Variants in TLE1 observed in about 807,000 individuals in gnomAD.
TLE1 encodes the protein transducin-like enhancer protein 1.
Under a neutral mutation model 89.8 loss-of-function variants are expected in TLE1, and 21 were observed. The observed-to-expected ratio is 0.23, with a 90% CI of 0.17 to 0.34. The LOEUF (loss-of-function observed/expected upper bound fraction) is 0.34. TLE1 is among the 10% of genes least tolerant of loss of function. The pLI, the probability that TLE1 is intolerant of heterozygous loss-of-function variation, is 1.00. For synonymous variants in TLE1, 447 were observed against 407.6 expected (o/e 1.10, Z -1.16); for missense variants, 795 against 1,031.2 (o/e 0.77, Z 3.14).
At chr9:81,678,914 G>A (rs1173130244) in intron 4 of TLE1, among the ~76,000 whole-genome samples, 3 of 152,158 alleles carry the variant, frequency 2.0e-5, no homozygotes, top group Admixed American at 6.5e-5. Context: ...GCTGAGGAAG[G>A]TGGATCACCT....
intron 6 of TLE1, among the ~76,000 whole-genome samples, chr9:81,644,918 C>T (rs375045955): frequency 2.7e-5 from 4 of 146,874 alleles, no homozygotes; most frequent in African/African-American, 2.5e-5. Context: ...CGTTTGAACC[C>T]GGGAAGCGGA....
intron 4 of TLE1, among the ~76,000 whole-genome samples, chr9:81,658,651 C>T (rs1830421091): frequency 6.6e-6 from 1 of 152,192 alleles, no homozygotes; most frequent in Non-Finnish European, 1.5e-5. Flanking sequence ...CCTTCACCTG[C>T]ACAACCTACC....
At chr9:81,596,108 T>A in intron 14 of TLE1, among the ~76,000 whole-genome samples, 1 of 152,140 alleles carries the variant, frequency 6.6e-6, no homozygotes. Flanking sequence ...TGTTCCAGAT[T>A]AAATAGATGC....
At chr9:81,669,435 A>G (rs1293418736) in intron 4 of TLE1, among the ~76,000 whole-genome samples, 2 of 152,218 alleles carry the variant, frequency 1.3e-5, no homozygotes, top group Admixed American at 1.3e-4. Flanking sequence ...GCCACAGACT[A>G]ATGCTTATTC....
At chr9:81,645,052 C>G (rs1257433365) in intron 6 of TLE1, among the ~76,000 whole-genome samples, 2 of 141,086 alleles carry the variant, frequency 1.4e-5, no homozygotes, top group East Asian at 4.4e-4. Context: ...TATATCATAT[C>G]TCAATTTTAA....
intron 7 of TLE1, 74 bp from the exon 8 acceptor site, chr9:81,633,438 A>G (rs541494116): frequency 2.0e-5 from 32 of 1,609,916 alleles, no homozygotes; most frequent in African/African-American, 6.7e-5. Flanking sequence ...AATAAAAAAA[A>G]GGGGGGAATA....
intron 4 of TLE1, among the ~76,000 whole-genome samples, chr9:81,664,624 G>A (rs1831226023): frequency 6.6e-6 from 1 of 151,856 alleles, no homozygotes; most frequent in African/African-American, 2.4e-5. Context: ...CACTTTTGCG[G>A]GGCTGAGGCA....
intron 14 of TLE1, among the ~76,000 whole-genome samples, chr9:81,602,923 GAGA>G (rs1244681568): frequency 6.6e-6 from 1 of 152,146 alleles, no homozygotes; most frequent in African/African-American, 2.4e-5. Context: ...CTTTAACAAA[GAGA>G]AGAAGTTTGG....
intron 4 of TLE1, among the ~76,000 whole-genome samples, chr9:81,680,475 A>T (rs535047363): frequency 1.3e-5 from 2 of 152,288 alleles, no homozygotes; most frequent in African/African-American, 4.8e-5. Flanking sequence ...ATTCCGTTTG[A>T]ATTTTCAAAA....
At chr9:81,637,526 G>A (rs1003868972) in intron 6 of TLE1, among the ~76,000 whole-genome samples, 1 of 152,070 alleles carries the variant, frequency 6.6e-6, no homozygotes, top group Non-Finnish European at 1.5e-5. Context: ...AACTGGCCAT[G>A]GGTAACTTCC....
rs371010115 is a variant in TLE1, at chr9:81,652,201, G to A, written c.372+13C>T. ...ATACACACTGTAGGAGGTAGACCTG[G>A]TAGGCCACGTACCCCGATGATGGCA... On this transcript the variant is annotated intron_variant, in intron 6 of 19. Coordinates refer to ENST00000376499, the MANE Select transcript of TLE1 (RefSeq NM_005077.5). 2.5e-6 allele frequency: 4 copies of A among 1,613,378 alleles called. No homozygotes were observed. The highest frequency in any genetic ancestry group is 2.5e-6 in the Non-Finnish European group (3 of 1,179,722).
intron 6 of TLE1, among the ~76,000 whole-genome samples, chr9:81,651,348 G>T (rs529327501): frequency 6.6e-6 from 1 of 152,164 alleles, no homozygotes; most frequent in Non-Finnish European, 1.5e-5. Flanking sequence ...AGTGGGGGGC[G>T]GAGGATGAAC....
intron 4 of TLE1, among the ~76,000 whole-genome samples, chr9:81,682,072 CCTCT>C (rs567360300): frequency 7.3e-5 from 11 of 151,712 alleles, no homozygotes; most frequent in African/African-American, 2.2e-4. Flanking sequence ...TGGGTGAAAC[CCTCT>C]CTCTACTACA....
chr9:81,593,866 C>G (rs914665435), intron 14 of TLE1, among the ~76,000 whole-genome samples: 2 of 152,128 alleles, frequency 1.3e-5, no homozygotes, highest in African/African-American at 4.8e-5. Flanking sequence ...AGGTTTCCTA[C>G]TCAACAATCT....
At chr9:81,675,193 A>G (rs775358032) in intron 4 of TLE1, among the ~76,000 whole-genome samples, 9 of 152,170 alleles carry the variant, frequency 5.9e-5, no homozygotes, top group Non-Finnish European at 1.3e-4. Context: ...ATATTACAAA[A>G]TGTTAATTTA....
intron 10 of TLE1, among the ~76,000 whole-genome samples, chr9:81,616,351 T>G (rs1824514485): frequency 6.6e-6 from 1 of 152,084 alleles, no homozygotes; most frequent in African/African-American, 2.4e-5. Context: ...CATATCCCTC[T>G]TTGTGCCTCA....
chr9:81,585,892 CTAA>C (rs1260514202), intron 17 of TLE1, among the ~76,000 whole-genome samples: 1 of 151,984 alleles, frequency 6.6e-6, no homozygotes, highest in Non-Finnish European at 1.5e-5. Flanking sequence ...GAAATGATTC[CTAA>C]TAATAATGGC....
intron 8 of TLE1, among the ~76,000 whole-genome samples, chr9:81,629,556 T>C (rs1407362641): frequency 6.6e-6 from 1 of 152,190 alleles, no homozygotes. Flanking sequence ...CTTTCACTCT[T>C]AGAACAGCCA....
chr9:81,671,342 T>A (rs981184528), intron 4 of TLE1, among the ~76,000 whole-genome samples: 1 of 151,794 alleles, frequency 6.6e-6, no homozygotes, highest in Non-Finnish European at 1.5e-5. Context: ...GGCGAAACCC[T>A]GTCTCTATTT....
Sources: allele counts gnomAD v4.1 joint callset (sites outside exome capture counted in the v4.1 genomes callset), GRCh38; gene constraint gnomAD v4.1.1; transcripts MANE v1.5; gene names NCBI Gene and HGNC (gene_info 2026-07-23, HGNC 2026-07-21).